The following BABAM2 variants were observed in gnomAD, a reference collection of about 807,000 sequenced individuals.
The protein encoded by BABAM2 is BRISC and BRCA1-A complex member 2.
BABAM2 carries 31 observed loss-of-function variants against 54.7 expected under a neutral mutation model. That is an observed-to-expected ratio of 0.57 (90% confidence interval 0.43 to 0.77). The LOEUF (loss-of-function observed/expected upper bound fraction) is 0.77, where lower values mean the gene tolerates loss of function less well. Ranked by LOEUF, BABAM2 falls within the 30% of genes least tolerant of loss-of-function variation. BABAM2 has a pLI of 0.00. For missense variants in BABAM2, 364 were observed against 455.8 expected (o/e 0.80, Z 1.83); for synonymous variants, 167 against 162.9 (o/e 1.03, Z -0.19).
At chr2:27,904,994 C>T (rs1324332759) in intron 2 of BABAM2, among the ~76,000 whole-genome samples, 2 of 152,176 alleles carry the variant, frequency 1.3e-5, no homozygotes, top group Admixed American at 1.3e-4. Flanking sequence ...TGCGTGCTTA[C>T]TGTTAACTTT....
At chr2:27,901,124 TGA>T (rs954552194) in intron 2 of BABAM2, among the ~76,000 whole-genome samples, 2 of 151,948 alleles carry the variant, frequency 1.3e-5, no homozygotes, top group African/African-American at 4.8e-5. Flanking sequence ...AAATACAGAC[TGA>T]GATCTGAAGG....
intron 11 of BABAM2, among the ~76,000 whole-genome samples, chr2:28,336,975 C>A (rs533285119): frequency 3.3e-4 from 51 of 152,346 alleles, no homozygotes; most frequent in African/African-American, 1.1e-3. Context: ...TGGGAGCTGG[C>A]AGCTGGTAGA....
chr2:28,285,000 G>A (rs1276456641), intron 10 of BABAM2, among the ~76,000 whole-genome samples: 2 of 152,168 alleles, frequency 1.3e-5, no homozygotes, highest in Non-Finnish European at 1.5e-5. Context: ...TAGACTTAGA[G>A]AGTATAGTCA....
In BABAM2 at chr2:28,250,249, G is replaced by A. The variant is rs545257816; in HGVS notation, c.934+5387G>A. On this transcript the variant is annotated intron_variant, in intron 10 of 11. Transcript: ENST00000379624. ...CTGTGCAAAAGCCCTGAGCCCTGAG[G>A]CAGCAAAGAGCTCTGCTGAAGCAGG... Among the ~76,000 whole-genome samples, 18 of 151,762 alleles carry A rather than the reference G, an allele frequency of 1.2e-4. No individual in the cohort carries two copies. The South Asian group carries it at 3.8e-3, about 32-fold the overall frequency.
chr2:27,992,925 T>G (rs772776672), intron 4 of BABAM2, among the ~76,000 whole-genome samples: 3 of 152,214 alleles, frequency 2.0e-5, no homozygotes, highest in Non-Finnish European at 4.4e-5. Flanking sequence ...GTTCTCTCCT[T>G]TCTTGAAGTG....
At chr2:28,047,894 C>G (rs1173369951) in intron 6 of BABAM2, among the ~76,000 whole-genome samples, 1 of 152,188 alleles carries the variant, frequency 6.6e-6, no homozygotes, top group Non-Finnish European at 1.5e-5. Flanking sequence ...ACACCAGAAG[C>G]AATCCAGAAT....
intron 2 of BABAM2, among the ~76,000 whole-genome samples, chr2:27,914,234 A>C (rs1371029191): frequency 6.6e-6 from 1 of 152,114 alleles, no homozygotes; most frequent in Non-Finnish European, 1.5e-5. Context: ...ATGAGTCCCA[A>C]CACAGCTCCC....
chr2:28,101,325 C>T (rs796669498), intron 6 of BABAM2, among the ~76,000 whole-genome samples: 1 of 152,140 alleles, frequency 6.6e-6, no homozygotes, highest in African/African-American at 2.4e-5. Flanking sequence ...AGGGTTATGG[C>T]TGCCGAACCT....
chr2:28,000,990 C>T (rs985687661), intron 4 of BABAM2, among the ~76,000 whole-genome samples: 6 of 152,144 alleles, frequency 3.9e-5, no homozygotes, highest in Non-Finnish European at 1.5e-5. Context: ...GCCATTTCTC[C>T]AAGGAACCCT....
At position 28,115,674 on chromosome 2, in the gene BABAM2, A is replaced by C. The variant is rs1383699911; in HGVS notation, c.571-13597A>C. Among the ~76,000 whole-genome samples, 15 of 152,058 alleles carry C rather than the reference A, an allele frequency of 9.9e-5. No individual in the cohort carries two copies. In the South Asian group the frequency reaches 1.9e-3, roughly 19 times the overall value. On this transcript the variant is annotated intron_variant, in intron 6 of 11. Coordinates refer to ENST00000379624, the MANE Select transcript of BABAM2 (RefSeq NM_199191.3). ...TAAATAGATAAATAAAAAAAAGAGT[A>C]GGTCCAATTTGGAGATTTGGGGTTG...
chr2:28,205,717 G>A (rs1197303029), intron 7 of BABAM2, among the ~76,000 whole-genome samples: 1 of 152,080 alleles, frequency 6.6e-6, no homozygotes, highest in South Asian at 2.1e-4. Context: ...AGAGTATGGA[G>A]TGAAGCTAAG....
At chr2:28,317,471 G>A (rs1306778975) in intron 11 of BABAM2, among the ~76,000 whole-genome samples, 1 of 152,166 alleles carries the variant, frequency 6.6e-6, no homozygotes, top group African/African-American at 2.4e-5. Context: ...CTGGCAAGGT[G>A]GTATTAACCC....
intron 7 of BABAM2, among the ~76,000 whole-genome samples, chr2:28,176,268 C>T (rs996968043): frequency 1.3e-5 from 2 of 151,854 alleles, no homozygotes; most frequent in African/African-American, 2.4e-5. Flanking sequence ...ATAAAAGTAA[C>T]GATAGTAAAG....
intron 4 of BABAM2, among the ~76,000 whole-genome samples, chr2:28,006,976 A>G (rs765497329): frequency 3.9e-5 from 6 of 152,050 alleles, no homozygotes; most frequent in Non-Finnish European, 5.9e-5. Context: ...CAGTTCTTTT[A>G]AAATAATTGA....
chr2:27,954,726 A>G (rs572990391), intron 3 of BABAM2, among the ~76,000 whole-genome samples: 1 of 152,208 alleles, frequency 6.6e-6, no homozygotes, highest in Non-Finnish European at 1.5e-5. Context: ...CTTTTTGCCA[A>G]CTTTCGTCGA....
At chr2:28,244,923 T>G (rs1558467925) in intron 10 of BABAM2, 61 bp downstream of exon 10, 4 of 1,410,404 alleles carry the variant, frequency 2.8e-6, no homozygotes, top group South Asian at 2.3e-5. Flanking sequence ...AAACCACATG[T>G]AATAATCAGT....
At chr2:28,143,182 G>T (rs1454112413) in intron 7 of BABAM2, among the ~76,000 whole-genome samples, 1 of 151,898 alleles carries the variant, frequency 6.6e-6, no homozygotes, top group Non-Finnish European at 1.5e-5. Flanking sequence ...CTAGTATTCA[G>T]CCTTCATAAA....
intron 2 of BABAM2, among the ~76,000 whole-genome samples, chr2:27,915,953 A>G (rs1409430739): frequency 2.6e-5 from 4 of 151,808 alleles, no homozygotes; most frequent in Non-Finnish European, 4.4e-5. Flanking sequence ...TGCTTTCCAT[A>G]TTCATTCAAA....
chr2:27,968,620 G>T (rs1467407099), intron 3 of BABAM2, among the ~76,000 whole-genome samples: 1 of 152,190 alleles, frequency 6.6e-6, no homozygotes, highest in African/African-American at 2.4e-5. Flanking sequence ...CTTGCACCAT[G>T]TGCCTAGAAA....
Sources: gnomAD v4.1 joint callset for allele counts (sites outside exome capture counted in the v4.1 genomes callset) on GRCh38, gnomAD v4.1.1 for gene constraint, MANE v1.5 for transcripts, NCBI Gene and HGNC (gene_info 2026-07-23, HGNC 2026-07-21) for gene names.